SLC5A8: variants seen among roughly 807,000 people sequenced by gnomAD.
SLC5A8 encodes solute carrier family 5 member 8, also known as sodium-coupled monocarboxylate transporter 1.
Under a neutral mutation model 71.9 loss-of-function variants are expected in SLC5A8, and 55 were observed. The ratio of observed to expected loss-of-function variants is 0.77; its 90% CI spans 0.62 to 0.96. SLC5A8 has a LOEUF of 0.96. Among genes scored for constraint, SLC5A8 ranks in the 40% least tolerant of loss-of-function variants. The pLI, the probability that SLC5A8 is intolerant of heterozygous loss-of-function variation, is 0.00. For synonymous variants in SLC5A8, 307 were observed against 276.1 expected (o/e 1.11, Z -1.11); for missense variants, 701 against 745.3 (o/e 0.94, Z 0.69).
Position 101,179,300 on chromosome 12 carries a change from T to C in SLC5A8, c.1233+729A>G, listed in dbSNP as rs1310598664. Among the ~76,000 whole-genome samples the C allele has an allele frequency of 2.0e-5, 3 of 152,206 alleles. No homozygotes were observed. In the East Asian group the frequency reaches 5.8e-4, roughly 29 times the overall value. On this transcript the variant is annotated intron_variant, in intron 10 of 14. Coordinates refer to ENST00000536262, the MANE Select transcript of SLC5A8 (RefSeq NM_145913.5). ...CCTGACAGTTGCACTCCTGGGTAGT[T>C]ATCCCAGGGAAATGAAGACTTATGC...
intron 10 of SLC5A8, among the ~76,000 whole-genome samples, chr12:101,170,664 G>A (rs1003641372): frequency 2.3e-4 from 35 of 152,058 alleles, no homozygotes; most frequent in Non-Finnish European, 4.7e-4. Flanking sequence ...GACCCCAACC[G>A]CTCCATTCCA....
At chr12:101,189,588 ATG>A (rs1239544129) in intron 6 of SLC5A8, among the ~76,000 whole-genome samples, 1 of 152,080 alleles carries the variant, frequency 6.6e-6, no homozygotes, top group African/African-American at 2.4e-5. Context: ...CACTGCAGTG[ATG>A]TGAGGCCTCC....
intron 2 of SLC5A8, 56 bp downstream of exon 2, chr12:101,204,444 C>G: frequency 7.0e-7 from 1 of 1,432,460 alleles, no homozygotes; most frequent in Non-Finnish European, 9.6e-7. Flanking sequence ...AATCCAGATG[C>G]CATGGTTAAA....
At chr12:101,195,209 T>C (rs1354452850) in intron 3 of SLC5A8, 47 bp from the exon 4 acceptor site, 10 of 1,585,026 alleles carry the variant, frequency 6.3e-6, no homozygotes, top group East Asian at 2.2e-5. Context: ...ATATGCACAA[T>C]AAAAATAATC....
intron 2 of SLC5A8, among the ~76,000 whole-genome samples, chr12:101,203,813 G>A (rs906608875): frequency 3.9e-5 from 6 of 152,260 alleles, no homozygotes; most frequent in East Asian, 1.9e-4. Flanking sequence ...CCAGAAGCAC[G>A]GTGAACAGTG....
chr12:101,167,725 A>G (rs898632079), intron 11 of SLC5A8, among the ~76,000 whole-genome samples: 1 of 152,230 alleles, frequency 6.6e-6, no homozygotes, highest in African/African-American at 2.4e-5. Flanking sequence ...TGCTATGGCT[A>G]TTCACAGAAA....
At chr12:101,197,472 A>T (rs1477201062) in intron 3 of SLC5A8, among the ~76,000 whole-genome samples, 1 of 152,190 alleles carries the variant, frequency 6.6e-6, no homozygotes, top group African/African-American at 2.4e-5. Flanking sequence ...TCTAGATCTA[A>T]CTACTACTAG....
In SLC5A8 at chr12:101,157,186, A is replaced by T; in HGVS notation, c.*93T>A. ...ATCCCCCAAACACTCATGATACAAC[A>T]CACACACACACACAAAGAAAACCTG... On this transcript the variant is annotated 3_prime_UTR_variant, in exon 15 of 15. Coordinates refer to ENST00000536262, the MANE Select transcript of SLC5A8 (RefSeq NM_145913.5). 2 of 1,430,644 alleles carry T rather than the reference A, an allele frequency of 1.4e-6. No homozygotes were observed. The highest frequency in any genetic ancestry group is 1.9e-6 in the Non-Finnish European group (2 of 1,054,918). The allele number at this position is 1,430,644 out of a possible 1,614,324, so 88.6% of individuals were successfully genotyped here. A position where few individuals can be genotyped will look rare whatever the true frequency, so the allele number is the denominator to read the frequency against.
At chr12:101,161,880 G>T in intron 13 of SLC5A8, 94 bp downstream of exon 13, 1 of 900,514 alleles carries the variant, frequency 1.1e-6, no homozygotes, top group Non-Finnish European at 1.8e-6. Context: ...GTTGGCAATA[G>T]GATCATAGTA....
At chr12:101,186,458 G>C (rs538549115) in intron 7 of SLC5A8, among the ~76,000 whole-genome samples, 1 of 152,158 alleles carries the variant, frequency 6.6e-6, no homozygotes, top group Non-Finnish European at 1.5e-5. Context: ...AACTTGTTCC[G>C]CAAGTGAGTC....
chr12:101,209,477 C>A, intron 1 of SLC5A8, 21 bp downstream of exon 1: 1 of 1,415,068 alleles, frequency 7.1e-7, no homozygotes, highest in Non-Finnish European at 9.8e-7. Flanking sequence ...CTGCATGGTC[C>A]CAGCCCACCC....
chr12:101,199,355 A>G (rs1375498501), intron 3 of SLC5A8: 1 of 151,992 alleles, frequency 6.6e-6, no homozygotes, highest in Non-Finnish European at 1.5e-5. Context: ...CAGTTTTAGT[A>G]TACATGCTGC....
chr12:101,190,657 A>G, intron 5 of SLC5A8, 49 bp from the exon 6 acceptor site: 1 of 1,525,440 alleles, frequency 6.6e-7, no homozygotes, highest in Non-Finnish European at 8.8e-7. Flanking sequence ...GCAGAGACTA[A>G]AAAAAATTCT....
Position 101,187,455 on chromosome 12 carries a change from C to T in SLC5A8, c.894G>A (p.Gly298=), listed in dbSNP as rs777511573. 9 of 1,613,830 alleles carry T rather than the reference C, an allele frequency of 5.6e-6. No individual in the cohort carries two copies. Among genetic ancestry groups the T allele is most frequent in the Non-Finnish European group, 6.8e-6 (8 of 1,179,908 alleles). ...WAILTCSVFC[G]LALYSRYHDC... is the part of the protein sequence containing the mutation. ...CATGGTACCTGGAATATAGGGCGAG[C>T]CCACAAAACACTGAGCATGTGAGGA... Residue 298 remains glycine, a synonymous_variant, in exon 7 of 15, where the codon GGG becomes GGA. Coordinates refer to ENST00000536262, the MANE Select transcript of SLC5A8 (RefSeq NM_145913.5).
chr12:101,208,007 G>A (rs1012967757), intron 1 of SLC5A8, among the ~76,000 whole-genome samples: 4 of 152,096 alleles, frequency 2.6e-5, no homozygotes, highest in Admixed American at 6.5e-5. Flanking sequence ...GTGGCCACAG[G>A]GAGCATGGGC....
At chr12:101,195,655 G>A (rs1333390442) in intron 3 of SLC5A8, among the ~76,000 whole-genome samples, 1 of 150,958 alleles carries the variant, frequency 6.6e-6, no homozygotes, top group Non-Finnish European at 1.5e-5. Context: ...TGCAGATTGC[G>A]GATCTGATTT....
intron 14 of SLC5A8, among the ~76,000 whole-genome samples, 173 bp downstream of exon 14, chr12:101,158,076 T>A (rs10860693): frequency 6.6e-6 from 1 of 152,004 alleles, no homozygotes; most frequent in Non-Finnish European, 1.5e-5. Context: ...ATAAAACAGA[T>A]ATAGATCATC....
rs1869832290 is a variant in SLC5A8, at chr12:101,209,626, G to A, written c.223C>T (p.Pro75Ser). ...FMSAVTVLGTPSEVYRFGAIF... is the reference protein window; with the variant it reads ...FMSAVTVLGTSSEVYRFGAIF... ...GCCCCAAAACGGTAGACCTCGGAGG[G>A]GGTGCCCAGGACAGTGACGGCTGAC... The change falls in exon 1 of 15, where the codon CCC (proline) becomes TCC (serine). Residue 75 changes from proline (P) to serine (S), a missense_variant. By Grantham distance (74) the Pro-to-Ser change is moderately conservative. Coordinates refer to ENST00000536262, the MANE Select transcript of SLC5A8 (RefSeq NM_145913.5). The A allele has an allele frequency of 6.2e-7, 1 of 1,613,916 alleles. No individual in the cohort carries two copies. The highest frequency in any genetic ancestry group is 8.5e-7 in the Non-Finnish European group (1 of 1,180,034).
chr12:101,166,134 C>A (rs551728397), intron 12 of SLC5A8, among the ~76,000 whole-genome samples: 1 of 152,286 alleles, frequency 6.6e-6, no homozygotes, highest in African/African-American at 2.4e-5. Flanking sequence ...CTTTCTAAGA[C>A]TATATAAGCA....
Sources: allele counts gnomAD v4.1 joint callset (sites outside exome capture counted in the v4.1 genomes callset), GRCh38; gene constraint gnomAD v4.1.1; transcripts MANE v1.5; gene names NCBI Gene and HGNC (gene_info 2026-07-23, HGNC 2026-07-21).